The following GHR variants were observed in gnomAD, a reference collection of about 807,000 sequenced individuals.
GHR encodes growth hormone receptor.
In GHR, 35 loss-of-function variants were observed where a neutral mutation model predicts 67.1. The ratio of observed to expected loss-of-function variants is 0.52; its 90% CI spans 0.40 to 0.69. The LOEUF is 0.69. GHR is among the 30% of genes least tolerant of loss of function. The probability of loss-of-function intolerance (pLI) is 0.00; values close to 1 mark genes in which losing one functional copy is unlikely to be tolerated. For missense variants in GHR, 792 were observed against 764.6 expected, an observed-to-expected ratio of 1.04 and a Z score of -0.42; for synonymous variants, 272 against 269.1, an observed-to-expected ratio of 1.01 and a Z score of -0.10.
chr5:42,628,090 G>A (rs890137894), intron 2 of GHR, among the ~76,000 whole-genome samples: 3 of 152,110 alleles, frequency 2.0e-5, no homozygotes, highest in African/African-American at 7.2e-5. Flanking sequence ...GCGTCCAGAT[G>A]TTCCTCTTCC....
At chr5:42,654,346 G>T (rs993511052) in intron 3 of GHR, among the ~76,000 whole-genome samples, 1 of 152,060 alleles carries the variant, frequency 6.6e-6, no homozygotes, top group African/African-American at 2.4e-5. Flanking sequence ...CTGTACCAAT[G>T]CCCTGCCCCC....
chr5:42,620,540 T>G (rs1178241794), intron 2 of GHR, among the ~76,000 whole-genome samples: 1 of 152,124 alleles, frequency 6.6e-6, no homozygotes, highest in Admixed American at 6.6e-5. Context: ...AAAAAGAATG[T>G]AGAGATGGAT....
chr5:42,661,831 A>C (rs370199724), intron 3 of GHR, among the ~76,000 whole-genome samples: 22 of 152,302 alleles, frequency 1.4e-4, no homozygotes, highest in South Asian at 4.2e-4. Context: ...AGAGTCAAGA[A>C]CCATCAGTGT....
At chr5:42,584,231 AGG>A (rs1256913200) in intron 2 of GHR, among the ~76,000 whole-genome samples, 2 of 152,154 alleles carry the variant, frequency 1.3e-5, no homozygotes, top group African/African-American at 2.4e-5. Context: ...AATGTTATTA[AGG>A]CTCGAGGTAC....
At position 42,608,019 on chromosome 5, in the gene GHR, C is replaced by T. The variant is rs111671720; in HGVS notation, c.71-21019C>T. ...CTAACTACCTATGGGCAACCTAGAA[C>T]AGTCAAAAGAGCTAGGAATTCATTC... On this transcript the variant is annotated intron_variant, in intron 2 of 9. Transcript: ENST00000230882. Among the ~76,000 whole-genome samples, 1,247 of 152,264 alleles carry T rather than the reference C, an allele frequency of 8.2e-3. 11 individuals are homozygous for T. Among genetic ancestry groups the T allele is most frequent in the Middle Eastern group, 0.024 (7 of 294 alleles).
chr5:42,694,997 CA>C lies in GHR; in HGVS notation c.348del (p.Ser117ArgfsTer13). On this transcript the variant is annotated frameshift_variant, in exon 5 of 10. Coordinates refer to ENST00000230882, the MANE Select transcript of GHR (RefSeq NM_000163.5). LOFTEE classifies it high-confidence loss of function. ...SAGENSCYFN[S>X]SFTSIWIPYC... ...GGGGAAAACAGCTGTTACTTTAATT[CA>C]TCGTTTACCTCCATCTGGATACCTT... The C allele has an allele frequency of 1.2e-6, 2 of 1,609,302 alleles. No homozygotes were observed. The highest frequency in any genetic ancestry group is 1.7e-6 in the Non-Finnish European group (2 of 1,175,754).
intron 2 of GHR, among the ~76,000 whole-genome samples, chr5:42,580,086 C>G (rs1479227334): frequency 6.6e-6 from 1 of 152,224 alleles, no homozygotes; most frequent in South Asian, 2.1e-4. Context: ...TTATATTTGA[C>G]AGCTCACTGT....
At chr5:42,472,371 C>G (rs921154586) in intron 1 of GHR, among the ~76,000 whole-genome samples, 3 of 152,110 alleles carry the variant, frequency 2.0e-5, no homozygotes, top group Admixed American at 2.0e-4. Flanking sequence ...TGTATAAATG[C>G]TATTGCACAA....
rs566174563 is a variant in GHR, at chr5:42,684,604, G to A, written c.137-4286G>A. On this transcript the variant is annotated intron_variant, in intron 3 of 9. Transcript: ENST00000230882. ...TGTACTCATTTGTAACAGATAATGT[G>A]GGCTCGTACACCTCAGTGTTCTGAG... is the stretch of plus-strand genomic sequence containing the variant. Among the ~76,000 whole-genome samples the A allele has an allele frequency of 5.9e-5, 9 of 152,230 alleles. 3 individuals are homozygous for A. The highest frequency in any genetic ancestry group is 1.9e-4 in the African/African-American group (8 of 41,534).
chr5:42,598,440 C>A (rs1253017534), intron 2 of GHR, among the ~76,000 whole-genome samples: 1 of 152,216 alleles, frequency 6.6e-6, no homozygotes, highest in Non-Finnish European at 1.5e-5. Context: ...AGTTAGTGCA[C>A]AGGCTGCTGG....
chr5:42,675,111 T>G (rs1756506959), intron 3 of GHR, among the ~76,000 whole-genome samples: 1 of 152,244 alleles, frequency 6.6e-6, no homozygotes, highest in South Asian at 2.1e-4. Flanking sequence ...TGTTTTTGCA[T>G]AGTCATTCAG....
At chr5:42,642,941 A>G (rs1251653019) in intron 3 of GHR, among the ~76,000 whole-genome samples, 1 of 152,136 alleles carries the variant, frequency 6.6e-6, no homozygotes, top group Non-Finnish European at 1.5e-5. Flanking sequence ...TATGTCTGCG[A>G]TTGGTCTCCT....
intron 6 of GHR, among the ~76,000 whole-genome samples, chr5:42,700,206 G>T (rs982406848): frequency 6.6e-6 from 1 of 152,128 alleles, no homozygotes; most frequent in African/African-American, 2.4e-5. Context: ...TATATATGGA[G>T]GCCTGTGGAA....
At chr5:42,626,755 G>A (rs1484310256) in intron 2 of GHR, among the ~76,000 whole-genome samples, 1 of 152,134 alleles carries the variant, frequency 6.6e-6, no homozygotes, top group Non-Finnish European at 1.5e-5. Context: ...GTCAAGAAAC[G>A]GAGACAAGGT....
chr5:42,643,037 T>A (rs1245007153), intron 3 of GHR, among the ~76,000 whole-genome samples: 1 of 152,170 alleles, frequency 6.6e-6, no homozygotes, highest in Non-Finnish European at 1.5e-5. Context: ...ATTATATCTG[T>A]AAAGACCCTT....
At chr5:42,432,541 A>G (rs1209857942) in intron 1 of GHR, among the ~76,000 whole-genome samples, 3 of 152,162 alleles carry the variant, frequency 2.0e-5, no homozygotes, top group African/African-American at 7.2e-5. Flanking sequence ...CTTTCAAGCT[A>G]TGTGATTGTT....
intron 2 of GHR, among the ~76,000 whole-genome samples, chr5:42,585,883 G>A (rs191074888): frequency 1.3e-5 from 2 of 152,264 alleles, no homozygotes; most frequent in East Asian, 3.9e-4. Flanking sequence ...AAAGCTGAAG[G>A]CAGTTAAGAA....
At chr5:42,633,708 C>T (rs1754034528) in intron 3 of GHR, among the ~76,000 whole-genome samples, 1 of 152,152 alleles carries the variant, frequency 6.6e-6, no homozygotes, top group Non-Finnish European at 1.5e-5. Context: ...ATAAACTTAT[C>T]TCCCTGGCAT....
At chr5:42,658,126 C>A (rs1487558263) in intron 3 of GHR, among the ~76,000 whole-genome samples, 1 of 152,114 alleles carries the variant, frequency 6.6e-6, no homozygotes, top group Admixed American at 6.5e-5. Flanking sequence ...TATCTCAAAT[C>A]AAGTACAGGA....
Sources: gnomAD v4.1 joint callset for allele counts (sites outside exome capture counted in the v4.1 genomes callset) on GRCh38, gnomAD v4.1.1 for gene constraint, MANE v1.5 for transcripts, NCBI Gene and HGNC (gene_info 2026-07-23, HGNC 2026-07-21) for gene names.